The following DOCK8 variants were observed in gnomAD, a reference collection of about 807,000 sequenced individuals.
DOCK8 encodes the protein dedicator of cytokinesis 8, also known as dedicator of cytokinesis protein 8.
A neutral mutation model predicts 245.6 loss-of-function variants in DOCK8; 141 were observed. The ratio of observed to expected loss-of-function variants is 0.57; its 90% CI spans 0.50 to 0.66. The LOEUF is 0.66. DOCK8 is among the 30% of genes least tolerant of loss of function. DOCK8 has a pLI of 0.00. For missense variants in DOCK8, 2,965 were observed against 2,603.4 expected, an observed-to-expected ratio of 1.14 and a Z score of -3.02; for synonymous variants, 1,168 against 970.2, an observed-to-expected ratio of 1.20 and a Z score of -3.79.
Position 242,961 on chromosome 9 carries a change from A to T in DOCK8, c.53+27932A>T, listed in dbSNP as rs146582857. 2.7e-3 allele frequency among the ~76,000 whole-genome samples: 417 copies of T among 152,308 alleles called. 3 individuals are homozygous for T. Among genetic ancestry groups the T allele is most frequent in the African/African-American group, 9.6e-3 (401 of 41,562 alleles). The stretch of plus-strand genomic sequence containing the variant: ...GAAAATCCTGTGGTAGTATCTCTTC[A>T]TCGGAACTTGGAATATGATTTTAAG... On this transcript the variant is annotated intron_variant, in intron 1 of 47. Coordinates refer to ENST00000432829, the MANE Select transcript of DOCK8 (RefSeq NM_203447.4).
At chr9:416,966 T>G (rs2056045591) in intron 29 of DOCK8, among the ~76,000 whole-genome samples, 1 of 152,266 alleles carries the variant, frequency 6.6e-6, no homozygotes, top group Admixed American at 6.5e-5. Flanking sequence ...TAACCATTTG[T>G]TTAAAATCCC....
chr9:448,694 A>T (rs1259349141), intron 44 of DOCK8, among the ~76,000 whole-genome samples: 1 of 151,948 alleles, frequency 6.6e-6, no homozygotes, highest in East Asian at 1.9e-4. Context: ...TCGTGTCCAG[A>T]TTTCCTCTTC....
intron 14 of DOCK8, among the ~76,000 whole-genome samples, chr9:359,380 C>T (rs556454822): frequency 6.6e-6 from 1 of 152,276 alleles, no homozygotes; most frequent in African/African-American, 2.4e-5. Flanking sequence ...TCAGTTTTAT[C>T]ATCTTCTGAA....
intron 28 of DOCK8, among the ~76,000 whole-genome samples, chr9:408,034 T>A (rs1305111973): frequency 2.6e-5 from 4 of 152,118 alleles, no homozygotes; most frequent in Non-Finnish European, 5.9e-5. Flanking sequence ...CAGGACCCAC[T>A]CTCCTATACC....
intron 1 of DOCK8, among the ~76,000 whole-genome samples, chr9:236,419 C>G (rs1382767111): frequency 1.3e-5 from 2 of 152,176 alleles, no homozygotes; most frequent in Non-Finnish European, 2.9e-5. Context: ...CACATTGTCA[C>G]CCCCAACAAA....
chr9:261,309 G>T (rs1210231225), intron 1 of DOCK8, among the ~76,000 whole-genome samples: 1 of 151,968 alleles, frequency 6.6e-6, no homozygotes, highest in Non-Finnish European at 1.5e-5. Context: ...TTTCTTTTTG[G>T]TTTTTATATA....
chr9:369,356 A>G (rs2053176377), intron 15 of DOCK8: 1 of 152,252 alleles, frequency 6.6e-6, no homozygotes, highest in African/African-American at 2.4e-5. Flanking sequence ...ACTGTGGGCT[A>G]AAGTCCAGTC....
At chr9:378,116 C>T (rs549749180) in intron 20 of DOCK8, among the ~76,000 whole-genome samples, 1 of 152,162 alleles carries the variant, frequency 6.6e-6, no homozygotes, top group African/African-American at 2.4e-5. Context: ...TATAATATGG[C>T]AAAGAGTCAG....
intron 1 of DOCK8, among the ~76,000 whole-genome samples, chr9:256,187 T>A (rs2047770118): frequency 6.6e-6 from 1 of 152,202 alleles, no homozygotes; most frequent in Admixed American, 6.5e-5. Context: ...AGAACGAGGC[T>A]CTTTCTGAGC....
At chr9:333,493 C>T (rs1271689663) in intron 10 of DOCK8, among the ~76,000 whole-genome samples, 1 of 151,864 alleles carries the variant, frequency 6.6e-6, no homozygotes, top group South Asian at 2.1e-4. Flanking sequence ...CCCAGCTTCT[C>T]AGGAGGCTGA....
Position 317,033 on chromosome 9 carries a change from T to G in DOCK8, c.742-10T>G, listed in dbSNP as rs1253243706. 1 of 1,607,990 alleles carries G rather than the reference T, an allele frequency of 6.2e-7. No homozygotes were observed. Among genetic ancestry groups the G allele is most frequent in the African/African-American group, 1.3e-5 (1 of 74,752 alleles). On this transcript the variant is annotated splice_polypyrimidine_tract_variant and intron_variant, in intron 6 of 47. Transcript: ENST00000432829. ...CACTAATGATTTCCTTACGATGTGA[T>G]TAAAAATAGGAGGATGCTGTGGAAA... is the stretch of plus-strand genomic sequence containing the variant.
In DOCK8 at chr9:418,970, C is replaced by T. The variant is rs12350274; in HGVS notation, c.3840+763C>T. ...GCAGCTTTTCTAGGACCCCAGGGAG[C>T]CTAAGGAGGGTTGTTTGGCTCTGTC... On this transcript the variant is annotated intron_variant, in intron 30 of 47. Coordinates refer to ENST00000432829, the MANE Select transcript of DOCK8 (RefSeq NM_203447.4). 6.6e-3 allele frequency among the ~76,000 whole-genome samples: 997 copies of T among 152,116 alleles called. 10 individuals carry two copies. Among genetic ancestry groups the T allele is most frequent in the African/African-American group, 0.022 (915 of 41,476 alleles).
intron 4 of DOCK8, among the ~76,000 whole-genome samples, chr9:292,844 A>G (rs996479831): frequency 1.3e-5 from 2 of 152,020 alleles, no homozygotes; most frequent in Non-Finnish European, 2.9e-5. Context: ...ACTTATTATT[A>G]TTTTCTAAGA....
At chr9:400,228 T>TCCA (rs2054789304) in intron 26 of DOCK8, among the ~76,000 whole-genome samples, 3 of 66,388 alleles carry the variant, frequency 4.5e-5, no homozygotes, top group Admixed American at 1.5e-4. Context: ...CACCACCACC[T>TCCA]CCACCATCAC....
chr9:379,536 T>C (rs1021024503), intron 20 of DOCK8, among the ~76,000 whole-genome samples: 3 of 152,108 alleles, frequency 2.0e-5, no homozygotes, highest in Non-Finnish European at 4.4e-5. Flanking sequence ...TCTTTGTCAT[T>C]AAAAACCATC....
At chr9:235,596 G>A (rs62531268) in intron 1 of DOCK8, among the ~76,000 whole-genome samples, 10,104 of 152,200 alleles carry the variant, frequency 0.066, 339 homozygotes, top group African/African-American at 0.083. Flanking sequence ...CAACTAACTC[G>A]GCAATGGTGG....
chr9:413,149 T>G (rs2055823982), intron 28 of DOCK8, among the ~76,000 whole-genome samples: 1 of 152,072 alleles, frequency 6.6e-6, no homozygotes, highest in Admixed American at 6.5e-5. Context: ...GCCAAAACAA[T>G]TCAATGGGGG....
intron 12 of DOCK8, among the ~76,000 whole-genome samples, chr9:338,001 A>G (rs2051397872): frequency 6.6e-6 from 1 of 152,068 alleles, no homozygotes; most frequent in Admixed American, 6.6e-5. Flanking sequence ...TAAAAATACA[A>G]AAGTTAGCCG....
intron 34 of DOCK8, 97 bp from the exon 35 acceptor site, chr9:428,265 G>T (rs2056572103): frequency 8.2e-6 from 13 of 1,593,954 alleles, no homozygotes; most frequent in Non-Finnish European, 1.1e-5. Flanking sequence ...CTCACCACTG[G>T]ACATGGAACA....
Sources: gnomAD v4.1 joint callset for allele counts (sites outside exome capture counted in the v4.1 genomes callset) on GRCh38, gnomAD v4.1.1 for gene constraint, MANE v1.5 for transcripts, NCBI Gene and HGNC (gene_info 2026-07-23, HGNC 2026-07-21) for gene names.